Variants in XYLB observed in about 807,000 individuals in gnomAD.
XYLB encodes the protein xylulokinase.
A neutral mutation model predicts 78.7 loss-of-function variants in XYLB; 62 were observed. The observed-to-expected ratio is 0.79, with a 90% CI of 0.64 to 0.97. The LOEUF is 0.97. Ranked by LOEUF, XYLB falls within the 50% of genes least tolerant of loss-of-function variation. The probability of loss-of-function intolerance (pLI) is 0.00; values close to 1 mark genes in which losing one functional copy is unlikely to be tolerated. For synonymous variants in XYLB, 245 were observed against 247.4 expected, an observed-to-expected ratio of 0.99 and a Z score of 0.09; for missense variants, 687 against 676.8, an observed-to-expected ratio of 1.02 and a Z score of -0.17.
At position 38,389,370 on chromosome 3, in the gene XYLB, C is replaced by T. The variant is rs1325004640; in HGVS notation, c.1292-6135C>T. Among the ~76,000 whole-genome samples the T allele has an allele frequency of 5.3e-5, 8 of 151,392 alleles. No individual in the cohort carries two copies. The East Asian group carries it at 5.8e-4, about 11-fold the overall frequency. On this transcript the variant is annotated intron_variant, in intron 15 of 18. Coordinates refer to ENST00000207870, the MANE Select transcript of XYLB (RefSeq NM_005108.4). Reference sequence around the variant, plus strand: ...TTTCTACACAGACACAGCAACCATCCGATTTCTCAATCTTTTCCCCACCTT... The same window carrying T: ...TTTCTACACAGACACAGCAACCATCTGATTTCTCAATCTTTTCCCCACCTT...
At chr3:38,358,354 TGTG>T (rs1559575766) in intron 2 of XYLB, among the ~76,000 whole-genome samples, 1,592 of 99,342 alleles carry the variant, frequency 0.016, 54 homozygotes, top group African/African-American at 0.048. Flanking sequence ...TGTGTGTGTG[TGTG>T]TTTGAGACAG....
the XYLB span, among the ~76,000 whole-genome samples, chr3:38,433,318 T>C: frequency 6.6e-6 from 1 of 152,232 alleles, no homozygotes; most frequent in Non-Finnish European, 1.5e-5. Context: ...TCCAGGCCTG[T>C]GATGGGGAGG....
intron 16 of XYLB, among the ~76,000 whole-genome samples, chr3:38,396,297 G>A (rs1008112802): frequency 6.6e-6 from 1 of 152,188 alleles, no homozygotes; most frequent in African/African-American, 2.4e-5. Flanking sequence ...GGTCTTGTCT[G>A]GAGTCTACTT....
At chr3:38,398,480 A>T (rs536727615) in intron 17 of XYLB, among the ~76,000 whole-genome samples, 1 of 151,886 alleles carries the variant, frequency 6.6e-6, no homozygotes, top group African/African-American at 2.4e-5. Context: ...AAAACAAAAA[A>T]AAATAATTAA....
chr3:38,449,463 G>A, the XYLB span, among the ~76,000 whole-genome samples: 1 of 152,120 alleles, frequency 6.6e-6, no homozygotes, highest in East Asian at 1.9e-4. Context: ...TCACTATGTT[G>A]TCCAGGCTAG....
At chr3:38,384,410 C>T (rs1018081029) in intron 15 of XYLB, among the ~76,000 whole-genome samples, 2 of 152,130 alleles carry the variant, frequency 1.3e-5, no homozygotes, top group Admixed American at 1.3e-4. Flanking sequence ...GAGCATCTTC[C>T]ATAGCTTGAA....
chr3:38,376,792 C>T (rs1706878216), intron 13 of XYLB, 126 bp from the exon 14 acceptor site: 2 of 705,710 alleles, frequency 2.8e-6, no homozygotes, highest in Non-Finnish European at 4.9e-6. Flanking sequence ...CAGGTCTCAT[C>T]TGGGGGATGA....
At chr3:38,372,469 T>C (rs1706618917) in intron 9 of XYLB, 186 bp from the exon 10 acceptor site, 1 of 985,376 alleles carries the variant, frequency 1.0e-6, no homozygotes, top group Non-Finnish European at 1.2e-6. Flanking sequence ...CTCTGGCGAT[T>C]TGTGAACAGG....
chr3:38,347,957 C>G (rs1487658655), intron 1 of XYLB, among the ~76,000 whole-genome samples: 1 of 152,240 alleles, frequency 6.6e-6, no homozygotes, highest in Admixed American at 6.5e-5. Flanking sequence ...AGGCAGGCCT[C>G]TGGCCAGTCC....
Position 38,376,159 on chromosome 3 carries a change from G to C in XYLB, c.1047G>C (p.Glu349Asp). 1 of 1,614,156 alleles carries C rather than the reference G, an allele frequency of 6.2e-7. No individual in the cohort carries two copies. Among genetic ancestry groups the C allele is most frequent in the Non-Finnish European group, 8.5e-7 (1 of 1,180,008 alleles). Residue 349 changes from glutamate (E) to aspartate (D), a missense_variant, in exon 13 of 19, where the codon GAG (glutamate) becomes GAC (aspartate). Physicochemically the swap from Glu to Asp is conservative, Grantham distance 45 (BLOSUM62 2). Coordinates refer to ENST00000207870, the MANE Select transcript of XYLB (RefSeq NM_005108.4). ...GSLMREKIRNESVSRSWSDFS... is the reference protein window; with the variant it reads ...GSLMREKIRNDSVSRSWSDFS... ...TCATGAGAGAGAAGATCCGCAACGA[G>C]TCTGTATCCCGTTCCTGGAGCGATT...
At chr3:38,375,000 C>T (rs1706772362) in intron 11 of XYLB, 144 bp from the exon 12 acceptor site, 1 of 642,818 alleles carries the variant, frequency 1.6e-6, no homozygotes, top group Non-Finnish European at 2.7e-6. Context: ...TCAGAAGTGG[C>T]TCTTAGAAAG....
At chr3:38,368,534 A>G (rs1706382165) in intron 8 of XYLB, among the ~76,000 whole-genome samples, 1 of 152,170 alleles carries the variant, frequency 6.6e-6, no homozygotes, top group African/African-American at 2.4e-5. Context: ...ATCTCCCACA[A>G]GGTGGCAGTC....
downstream of XYLB, among the ~76,000 whole-genome samples, chr3:38,425,200 A>G (rs182437965): frequency 1.3e-5 from 2 of 152,342 alleles, no homozygotes; most frequent in Admixed American, 6.5e-5. Flanking sequence ...GCTACATGCT[A>G]AACAGGGGAA....
the XYLB span, among the ~76,000 whole-genome samples, chr3:38,430,171 A>G: frequency 6.6e-6 from 1 of 152,296 alleles, no homozygotes; most frequent in East Asian, 1.9e-4. Flanking sequence ...CACTCCCACC[A>G]ACAATGTAAA....
At chr3:38,445,007 A>C in the XYLB span, among the ~76,000 whole-genome samples, 1 of 152,170 alleles carries the variant, frequency 6.6e-6, no homozygotes, top group Non-Finnish European at 1.5e-5. Flanking sequence ...AAAGAGGACC[A>C]AGAAAAATCA....
At chr3:38,410,153 T>A (rs1357096838) in intron 18 of XYLB, among the ~76,000 whole-genome samples, 1 of 152,042 alleles carries the variant, frequency 6.6e-6, no homozygotes, top group African/African-American at 2.4e-5. Context: ...GCTACAGTAA[T>A]CAAAACAGCA....
chr3:38,363,228 G>C (rs1259790092), intron 4 of XYLB, among the ~76,000 whole-genome samples: 1 of 152,198 alleles, frequency 6.6e-6, no homozygotes, highest in African/African-American at 2.4e-5. Context: ...ACAGTTCTTA[G>C]GAGTAAGTAT....
chr3:38,380,132 A>G (rs988183216), intron 15 of XYLB, among the ~76,000 whole-genome samples: 1 of 152,148 alleles, frequency 6.6e-6, no homozygotes, highest in Non-Finnish European at 1.5e-5. Context: ...GAATGGATTA[A>G]TCCACTCATA....
At chr3:38,378,095 C>T (rs931769215) in intron 14 of XYLB, among the ~76,000 whole-genome samples, 3 of 152,148 alleles carry the variant, frequency 2.0e-5, no homozygotes, top group African/African-American at 7.2e-5. Flanking sequence ...TCAGAGTTGG[C>T]GTTGGATTCA....
Sources: gnomAD v4.1 joint callset for allele counts (sites outside exome capture counted in the v4.1 genomes callset) on GRCh38, gnomAD v4.1.1 for gene constraint, MANE v1.5 for transcripts, NCBI Gene and HGNC (gene_info 2026-07-23, HGNC 2026-07-21) for gene names.